Variants in DCAF5 observed in about 807,000 individuals in gnomAD.
DCAF5 encodes the protein DDB1- and CUL4-associated factor 5.
A neutral mutation model predicts 80.7 loss-of-function variants in DCAF5; 9 were observed. The observed-to-expected ratio is 0.11, with a 90% CI of 0.07 to 0.19. DCAF5 has a LOEUF of 0.19. Ranked by LOEUF, DCAF5 falls within the 10% of genes least tolerant of loss-of-function variation. DCAF5 has a pLI of 1.00. For missense variants in DCAF5, 842 were observed against 1,205.7 expected (o/e 0.70, Z 4.47); for synonymous variants, 433 against 461.9 (o/e 0.94, Z 0.80).
intron 1 of DCAF5, among the ~76,000 whole-genome samples, chr14:69,127,992 T>C (rs914774449): frequency 6.6e-5 from 10 of 152,090 alleles, no homozygotes; most frequent in Admixed American, 1.3e-4. Context: ...ATAATGGCAT[T>C]ATGGTTATGT....
chr14:69,068,849 CA>C (rs1278850896), intron 7 of DCAF5, among the ~76,000 whole-genome samples: 1 of 152,150 alleles, frequency 6.6e-6, no homozygotes, highest in Non-Finnish European at 1.5e-5. Flanking sequence ...AGAGGACCAT[CA>C]AGGATACTGA....
chr14:69,152,985 A>C lies in DCAF5; in HGVS notation c.-7T>G, dbSNP rs961864861. ...GGCCAGCTCTCCTCTTCATGCTGGA[A>C]CCGCCGCCGCCGCCGCTCGCGCCGC... On this transcript the variant is annotated 5_prime_UTR_variant, in exon 1 of 9. Coordinates refer to ENST00000341516, the MANE Select transcript of DCAF5 (RefSeq NM_003861.3). The surrounding 1 kb of genome is among the most constrained non-coding windows in gnomAD (Gnocchi z 4.1). The C allele has an allele frequency of 3.2e-6, 5 of 1,544,106 alleles. No individual in the cohort carries two copies. Among genetic ancestry groups the C allele is most frequent in the South Asian group, 1.2e-5 (1 of 84,298 alleles).
intron 1 of DCAF5, among the ~76,000 whole-genome samples, chr14:69,132,851 T>A (rs1257800979): frequency 1.3e-5 from 2 of 152,188 alleles, no homozygotes; most frequent in African/African-American, 4.8e-5. Flanking sequence ...CGCCGGCACT[T>A]ATTAGCTGTG....
intron 7 of DCAF5, among the ~76,000 whole-genome samples, chr14:69,065,334 A>T (rs1303987905): frequency 6.6e-6 from 1 of 151,998 alleles, no homozygotes; most frequent in African/African-American, 2.4e-5. Context: ...TGACCTCATG[A>T]TCCACCCGCC....
At chr14:69,082,676 T>TG (rs1301961853) in intron 6 of DCAF5, among the ~76,000 whole-genome samples, 1 of 152,198 alleles carries the variant, frequency 6.6e-6, no homozygotes. Context: ...TTTTTGTATG[T>TG]GAGGACTGGG....
chr14:69,109,035 A>C (rs895622450), intron 5 of DCAF5, among the ~76,000 whole-genome samples: 1 of 152,072 alleles, frequency 6.6e-6, no homozygotes, highest in Non-Finnish European at 1.5e-5. Flanking sequence ...TTCTTTTTTT[A>C]AATTTTAAGA....
intron 7 of DCAF5, among the ~76,000 whole-genome samples, chr14:69,069,249 G>T (rs2038589344): frequency 6.6e-6 from 1 of 152,150 alleles, no homozygotes; most frequent in Non-Finnish European, 1.5e-5. Context: ...CAGTGGGGGT[G>T]GTTACAGTGA....
intron 5 of DCAF5, among the ~76,000 whole-genome samples, chr14:69,115,344 C>T (rs940632135): frequency 1.3e-5 from 2 of 152,174 alleles, no homozygotes; most frequent in Non-Finnish European, 2.9e-5. Context: ...CGATCTGCTA[C>T]AATAGTTCCA....
chr14:69,145,093 C>T (rs1363414972), intron 1 of DCAF5, among the ~76,000 whole-genome samples: 1 of 152,190 alleles, frequency 6.6e-6, no homozygotes, highest in Non-Finnish European at 1.5e-5. Flanking sequence ...TGATGGCTCA[C>T]TGCAGCCTTG....
chr14:69,101,487 A>G (rs563723277), intron 5 of DCAF5, among the ~76,000 whole-genome samples: 2 of 152,350 alleles, frequency 1.3e-5, no homozygotes, highest in African/African-American at 4.8e-5. Flanking sequence ...CTGGGGAGAC[A>G]GGAGTGGGAG....
Position 69,105,944 on chromosome 14 carries a change from T to A in DCAF5, c.665+10422A>T, listed in dbSNP as rs948770764. 3.5e-5 allele frequency among the ~76,000 whole-genome samples: 3 copies of A among 85,224 alleles called. 1 individual carries two copies. The highest frequency in any genetic ancestry group is 9.2e-5 in the Non-Finnish European group (3 of 32,542). The allele number at this position is 85,224 out of a possible 152,430, so 55.9% of individuals were successfully genotyped here. A position where few individuals can be genotyped will look rare whatever the true frequency, so the allele number is the denominator to read the frequency against. ...ATATATATATATATATATATATATA[T>A]ATCTCCTATTGGTTCTGTTCCTCTG... is the stretch of plus-strand genomic sequence containing the variant. On this transcript the variant is annotated intron_variant, in intron 5 of 8. Coordinates refer to ENST00000341516, the MANE Select transcript of DCAF5 (RefSeq NM_003861.3).
chr14:69,087,305 G>GA (rs2039369705), intron 6 of DCAF5, among the ~76,000 whole-genome samples: 1 of 152,154 alleles, frequency 6.6e-6, no homozygotes, highest in Non-Finnish European at 1.5e-5. Context: ...TTAGAAGACA[G>GA]AATGTACCCA....
At chr14:69,057,609 A>T (rs1022154938) in intron 8 of DCAF5, among the ~76,000 whole-genome samples, 2 of 152,202 alleles carry the variant, frequency 1.3e-5, no homozygotes, top group African/African-American at 4.8e-5. Flanking sequence ...AAGTCATAAC[A>T]CTGAAAGTTA....
chr14:69,103,630 A>G lies in DCAF5; in HGVS notation c.666-11743T>C, dbSNP rs190621233. ...AGCTATACATGCATTCATTTGTGTT[A>G]GGTGAATGTGATAACCACTATGCTA... On this transcript the variant is annotated intron_variant, in intron 5 of 8. Coordinates refer to ENST00000341516, the MANE Select transcript of DCAF5 (RefSeq NM_003861.3). Among the ~76,000 whole-genome samples, 13 of 152,348 alleles carry G rather than the reference A, an allele frequency of 8.5e-5. No homozygotes were observed. In the East Asian group the frequency reaches 2.5e-3, roughly 29 times the overall value.
rs969886669 is a variant in DCAF5, at chr14:69,139,512, A to G, written c.214+13253T>C. Reference sequence around the variant, plus strand: ...AAGATTCTGTCTCACAAGAAAGAAAAGAAAAAAAGAGAAAAGGAGGCTTGG... The same window carrying G: ...AAGATTCTGTCTCACAAGAAAGAAAGGAAAAAAAGAGAAAAGGAGGCTTGG... On this transcript the variant is annotated intron_variant, in intron 1 of 8. Coordinates refer to ENST00000341516, the MANE Select transcript of DCAF5 (RefSeq NM_003861.3). Among the ~76,000 whole-genome samples the G allele has an allele frequency of 5.3e-5, 8 of 152,150 alleles. No homozygotes were observed. The East Asian group carries it at 5.8e-4, about 11-fold the overall frequency.
intron 7 of DCAF5, among the ~76,000 whole-genome samples, chr14:69,068,798 C>A (rs2038568808): frequency 6.6e-6 from 1 of 151,974 alleles, no homozygotes; most frequent in Admixed American, 6.6e-5. Flanking sequence ...TCAAAAAGGC[C>A]CAAGTGAACA....
chr14:69,145,149 C>T (rs542884846), intron 1 of DCAF5, among the ~76,000 whole-genome samples: 11 of 152,164 alleles, frequency 7.2e-5, no homozygotes, highest in African/African-American at 2.7e-4. Context: ...TCCTGTGTAG[C>T]TGGGACTAAA....
intron 6 of DCAF5, among the ~76,000 whole-genome samples, chr14:69,088,243 G>C (rs538624579): frequency 6.6e-6 from 1 of 152,192 alleles, no homozygotes; most frequent in African/African-American, 2.4e-5. Flanking sequence ...TCTCTATTGA[G>C]AGCCCAAAAA....
intron 6 of DCAF5, among the ~76,000 whole-genome samples, chr14:69,085,913 T>C (rs2039300382): frequency 6.6e-6 from 1 of 152,240 alleles, no homozygotes; most frequent in Admixed American, 6.5e-5. Context: ...AGCATGCCTA[T>C]GAGCAAGAGG....
Sources: gnomAD v4.1 joint callset for allele counts (sites outside exome capture counted in the v4.1 genomes callset) on GRCh38, gnomAD v4.1.1 for gene constraint, Gnocchi (gnomAD v3.1) non-coding constraint, MANE v1.5 for transcripts, NCBI Gene and HGNC (gene_info 2026-07-23, HGNC 2026-07-21) for gene names.